Variants in NR5A2 observed in about 807,000 individuals in gnomAD.
The protein encoded by NR5A2 is nuclear receptor subfamily 5 group A member 2, also known as CYP7A promoter-binding factor.
A neutral mutation model predicts 62.7 loss-of-function variants in NR5A2; 26 were observed. The observed-to-expected ratio is 0.41, with a 90% CI of 0.30 to 0.58. The LOEUF (loss-of-function observed/expected upper bound fraction) is 0.58. Ranked by LOEUF, NR5A2 falls within the 20% of genes least tolerant of loss-of-function variation. The pLI is 0.22. For missense variants in NR5A2, 541 were observed against 669.1 expected (o/e 0.81, Z 2.11); for synonymous variants, 246 against 241.7 (o/e 1.02, Z -0.16).
chr1:200,155,747 C>A (rs1653351620), intron 7 of NR5A2, among the ~76,000 whole-genome samples: 1 of 151,642 alleles, frequency 6.6e-6, no homozygotes, highest in Admixed American at 6.6e-5. Context: ...GATCTTGGCT[C>A]ACTGCAACCT....
At position 200,090,540 on chromosome 1, in the gene NR5A2, C is replaced by A. The variant is rs149224068; in HGVS notation, c.1111-20662C>A. ...AGTTGTAACCTCTTGACTCCCTGGA[C>A]CATACTCGTAAAGCCACTGATTTAA... On this transcript the variant is annotated intron_variant, in intron 5 of 7. Transcript: ENST00000367362. 4.5e-4 allele frequency among the ~76,000 whole-genome samples: 68 copies of A among 152,320 alleles called. No homozygotes were observed. The East Asian group carries it at 6.8e-3, about 15-fold the overall frequency.
intron 1 of NR5A2, among the ~76,000 whole-genome samples, chr1:200,032,899 T>C (rs1412087321): frequency 6.6e-6 from 1 of 152,258 alleles, no homozygotes; most frequent in Non-Finnish European, 1.5e-5. Context: ...AAAGGAATTA[T>C]GATTTAATAC....
intron 7 of NR5A2, among the ~76,000 whole-genome samples, chr1:200,129,014 CCTTTA>C (rs1666850303): frequency 6.6e-6 from 1 of 151,914 alleles, no homozygotes; most frequent in African/African-American, 2.4e-5. Flanking sequence ...GCTTCTTTTC[CCTTTA>C]CTTAAGTGTG....
At chr1:200,130,634 A>G (rs1376226686) in intron 7 of NR5A2, among the ~76,000 whole-genome samples, 2 of 152,232 alleles carry the variant, frequency 1.3e-5, no homozygotes, top group East Asian at 3.8e-4. Flanking sequence ...TAAACATCAT[A>G]AAATTCTTTT....
At chr1:200,140,731 C>T (rs929283165) in intron 7 of NR5A2, among the ~76,000 whole-genome samples, 34 of 152,132 alleles carry the variant, frequency 2.2e-4, no homozygotes, top group African/African-American at 8.2e-4. Context: ...TAACTATCCT[C>T]AATCTAAAAA....
chr1:200,156,839 G>A (rs1038384804), intron 7 of NR5A2, among the ~76,000 whole-genome samples: 3 of 152,208 alleles, frequency 2.0e-5, no homozygotes, highest in Non-Finnish European at 4.4e-5. Flanking sequence ...AGGCAGGCTA[G>A]GCTAAGCTAT....
chr1:200,062,178 TATCTG>T (rs1663252365), intron 5 of NR5A2, among the ~76,000 whole-genome samples: 2 of 151,736 alleles, frequency 1.3e-5, no homozygotes, highest in Non-Finnish European at 2.9e-5. Flanking sequence ...TAAAAACAAT[TATCTG>T]CATGCACAAG....
At chr1:200,049,505 G>T (rs1662531801) in intron 5 of NR5A2, among the ~76,000 whole-genome samples, 1 of 152,160 alleles carries the variant, frequency 6.6e-6, no homozygotes. Flanking sequence ...CATAGTACTT[G>T]TTTGTATAGG....
At chr1:200,154,708 A>G (rs978365432) in intron 7 of NR5A2, among the ~76,000 whole-genome samples, 3 of 152,212 alleles carry the variant, frequency 2.0e-5, no homozygotes, top group Non-Finnish European at 4.4e-5. Flanking sequence ...AGAAATAAGT[A>G]AATTTTTAAA....
chr1:200,046,565 C>A (rs1479616658), intron 4 of NR5A2, among the ~76,000 whole-genome samples: 1 of 151,794 alleles, frequency 6.6e-6, no homozygotes, highest in Non-Finnish European at 1.5e-5. Context: ...AAAAAAAAAT[C>A]ATATAAATCT....
chr1:200,033,925 C>T (rs1661641028), intron 1 of NR5A2, among the ~76,000 whole-genome samples: 1 of 152,210 alleles, frequency 6.6e-6, no homozygotes, highest in Non-Finnish European at 1.5e-5. Flanking sequence ...GGTCCCGGCA[C>T]TCTTTGACCT....
At chr1:200,135,413 CG>C (rs1164260293) in intron 7 of NR5A2, among the ~76,000 whole-genome samples, 2 of 151,836 alleles carry the variant, frequency 1.3e-5, no homozygotes, top group African/African-American at 2.4e-5. Context: ...CCCAACTACC[CG>C]GGAGGCTGAG....
intron 5 of NR5A2, among the ~76,000 whole-genome samples, chr1:200,109,857 C>T (rs1039378803): frequency 1.6e-4 from 24 of 152,148 alleles, no homozygotes; most frequent in Admixed American, 1.4e-3. Context: ...CTCTGCCTCC[C>T]GGATTCAAGT....
intron 5 of NR5A2, among the ~76,000 whole-genome samples, chr1:200,089,520 G>C (rs944884994): frequency 3.9e-5 from 6 of 152,026 alleles, no homozygotes; most frequent in African/African-American, 1.4e-4. Context: ...GCCCAGGATG[G>C]AGTGCAGTGG....
chr1:200,039,398 G>A lies in NR5A2; in HGVS notation c.65-260G>A, dbSNP rs1661942854. The stretch of plus-strand genomic sequence containing the variant: ...CCCGGGCAGCTGCGTCCTCGCCACC[G>A]CCGCCGCCTGCGCCCTTGCGGAGCC... On this transcript the variant is annotated intron_variant, in intron 1 of 7. Coordinates refer to ENST00000367362, the MANE Select transcript of NR5A2 (RefSeq NM_205860.3). The surrounding 1 kb of genome is among the most constrained non-coding windows in gnomAD (Gnocchi z 5.1). Among the ~76,000 whole-genome samples the A allele has an allele frequency of 6.6e-6, 1 of 151,744 alleles. No individual in the cohort carries two copies. The highest frequency in any genetic ancestry group is 1.5e-5 in the Non-Finnish European group (1 of 67,912).
At chr1:200,047,460 C>T (rs1181149859) in intron 4 of NR5A2, among the ~76,000 whole-genome samples, 1 of 152,110 alleles carries the variant, frequency 6.6e-6, no homozygotes, top group Non-Finnish European at 1.5e-5. Flanking sequence ...TAACTCAGTT[C>T]CACACCCCTG....
rs1026828585 is a variant in NR5A2, at chr1:200,176,812, C to G, written c.*2602C>G. On this transcript the variant is annotated 3_prime_UTR_variant, in exon 8 of 8. Coordinates refer to ENST00000367362, the MANE Select transcript of NR5A2 (RefSeq NM_205860.3). ...GCCAGCATACCTGGCTACGTTGACTCTTAAAATCTATGTTCTCTTATTTTA... is the reference window on the plus strand; with the variant it reads ...GCCAGCATACCTGGCTACGTTGACTGTTAAAATCTATGTTCTCTTATTTTA... 5 of 152,102 alleles carry G rather than the reference C, an allele frequency of 3.3e-5. No individual in the cohort carries two copies. Among genetic ancestry groups the G allele is most frequent in the African/African-American group, 1.2e-4 (5 of 41,420 alleles). 9.4% of individuals were successfully genotyped at this position (152,102 alleles called of 1,614,324 possible).
intron 7 of NR5A2, among the ~76,000 whole-genome samples, chr1:200,167,595 T>C (rs917888107): frequency 6.6e-6 from 1 of 152,168 alleles, no homozygotes; most frequent in Admixed American, 6.5e-5. Flanking sequence ...AGCTGACCAT[T>C]TCCCTCTTTC....
intron 6 of NR5A2, among the ~76,000 whole-genome samples, chr1:200,114,056 G>A (rs2363572): frequency 0.37 from 56,086 of 151,816 alleles, 11,057 homozygotes; most frequent in South Asian, 0.44. Context: ...GGTGGCATGC[G>A]TCTGTGGTCC....
Sources: gnomAD v4.1 joint callset for allele counts (sites outside exome capture counted in the v4.1 genomes callset) on GRCh38, gnomAD v4.1.1 for gene constraint, Gnocchi (gnomAD v3.1) non-coding constraint, MANE v1.5 for transcripts, NCBI Gene and HGNC (gene_info 2026-07-23, HGNC 2026-07-21) for gene names.